The following HAO1 variants were observed in gnomAD, a reference collection of about 807,000 sequenced individuals.
HAO1 encodes the protein hydroxyacid oxidase 1.
Under a neutral mutation model 39.7 loss-of-function variants are expected in HAO1, and 34 were observed. The observed-to-expected ratio is 0.86, with a 90% CI of 0.65 to 1.14. The LOEUF is 1.14. Ranked by LOEUF, HAO1 falls within the 50% of genes most tolerant of loss-of-function variation. The pLI, the probability that HAO1 is intolerant of heterozygous loss-of-function variation, is 0.00. For synonymous variants in HAO1, 172 were observed against 173.2 expected, an observed-to-expected ratio of 0.99 and a Z score of 0.05; for missense variants, 479 against 464.5, an observed-to-expected ratio of 1.03 and a Z score of -0.29.
rs534056567 is a variant in HAO1, at chr20:7,940,381, A to G, written c.42T>C (p.His14=). The change falls in exon 1 of 8, where the codon CAT becomes CAC. Residue 14 remains histidine, a synonymous_variant. Transcript: ENST00000378789. The stretch of plus-strand genomic sequence containing the variant: ...TAGACTTTGGAAGTACTGATTTAGC[A>G]TGTTGTTCATAATCATTGATACAAA... The part of the protein sequence containing the change: ...RLICINDYEQ[H]AKSVLPKSIY... The G allele has an allele frequency of 5.6e-6, 9 of 1,612,606 alleles. No homozygotes were observed. The highest frequency in any genetic ancestry group is 5.3e-5 in the African/African-American group (4 of 74,946).
rs141789156 is a variant in HAO1 at position 7,904,959 on chromosome 20, A to T, written c.721+1195T>A. Reference sequence around the variant, plus strand: ...TTAAAGGTGTCTGTAAACCAAACCAATACATATTCATTGAAGTATAATCCA... The same window carrying T: ...TTAAAGGTGTCTGTAAACCAAACCATTACATATTCATTGAAGTATAATCCA... On this transcript the variant is annotated intron_variant, in intron 4 of 7. Transcript: ENST00000378789. 3.7e-3 allele frequency among the ~76,000 whole-genome samples: 562 copies of T among 152,318 alleles called. 3 individuals carry two copies. Among genetic ancestry groups the T allele is most frequent in the African/African-American group, 0.013 (539 of 41,574 alleles).
intron 3 of HAO1, among the ~76,000 whole-genome samples, chr20:7,906,733 GTTTTGTATGCCAAAATTATCACAATTTT>G (rs1259262105): frequency 3.3e-5 from 5 of 151,414 alleles, no homozygotes; most frequent in African/African-American, 1.2e-4. Flanking sequence ...TTTACAAAGG[GTTTTGTATGCCAAAATTATCACAATTTT>G]TCTTTAAAAG....
chr20:7,914,563 G>A (rs982901040), intron 2 of HAO1, 144 bp from the exon 3 acceptor site: 27 of 807,852 alleles, frequency 3.3e-5, no homozygotes, highest in Non-Finnish European at 5.0e-5. Flanking sequence ...AGAAAGTCTG[G>A]CCCATACCAT....
chr20:7,936,715 T>C (rs750961603), intron 1 of HAO1, among the ~76,000 whole-genome samples: 12 of 152,026 alleles, frequency 7.9e-5, no homozygotes, highest in Non-Finnish European at 1.5e-4. Flanking sequence ...CCTTAAACAG[T>C]ATTTTCTGTT....
chr20:7,888,886 A>G (rs2050162001), intron 5 of HAO1, among the ~76,000 whole-genome samples: 1 of 152,108 alleles, frequency 6.6e-6, no homozygotes, highest in South Asian at 2.1e-4. Flanking sequence ...CTCACTCTCT[A>G]GGAGACCTGC....
At chr20:7,895,337 G>A in intron 4 of HAO1, 113 bp from the exon 5 acceptor site, 4 of 688,112 alleles carry the variant, frequency 5.8e-6, no homozygotes, top group Non-Finnish European at 1.0e-5. Flanking sequence ...GCATACCTGG[G>A]TCAATAATCT....
intron 5 of HAO1, among the ~76,000 whole-genome samples, chr20:7,889,390 A>T (rs1427632372): frequency 1.3e-5 from 2 of 152,202 alleles, no homozygotes; most frequent in Admixed American, 1.3e-4. Context: ...TGCTCATAGG[A>T]TTCAAATACT....
chr20:7,921,791 A>T (rs903771533), intron 2 of HAO1, among the ~76,000 whole-genome samples: 1 of 152,144 alleles, frequency 6.6e-6, no homozygotes. Context: ...ATAACAAAAT[A>T]ATGTCCTTTG....
chr20:7,935,725 T>A (rs958606433), intron 1 of HAO1, among the ~76,000 whole-genome samples: 7 of 152,204 alleles, frequency 4.6e-5, no homozygotes, highest in African/African-American at 1.7e-4. Context: ...CAACCAAAAA[T>A]TCACCAGTAA....
At chr20:7,930,616 G>T (rs543661094) in intron 2 of HAO1, among the ~76,000 whole-genome samples, 2 of 152,278 alleles carry the variant, frequency 1.3e-5, no homozygotes, top group South Asian at 4.1e-4. Flanking sequence ...ATAAAAGAGG[G>T]TGTGTTCATG....
intron 5 of HAO1, among the ~76,000 whole-genome samples, chr20:7,888,408 A>G (rs573653898): frequency 6.4e-4 from 98 of 151,946 alleles, no homozygotes; most frequent in Middle Eastern, 3.4e-3. Context: ...CCATCTTCCT[A>G]TTGCATCGGT....
At chr20:7,938,995 T>C (rs1265125275) in intron 1 of HAO1, among the ~76,000 whole-genome samples, 1 of 152,202 alleles carries the variant, frequency 6.6e-6, no homozygotes, top group East Asian at 1.9e-4. Flanking sequence ...ATTTCCTTGG[T>C]TGTAATAACC....
At chr20:7,893,153 A>G (rs923791826) in intron 5 of HAO1, among the ~76,000 whole-genome samples, 2 of 152,162 alleles carry the variant, frequency 1.3e-5, no homozygotes, top group Non-Finnish European at 2.9e-5. Flanking sequence ...ATCCAGGCAG[A>G]TGCATTTCCC....
chr20:7,925,474 T>C (rs567745247), intron 2 of HAO1, among the ~76,000 whole-genome samples: 23 of 152,282 alleles, frequency 1.5e-4, no homozygotes, highest in African/African-American at 5.5e-4. Flanking sequence ...TTCACTGTAT[T>C]TCTAGGGCAG....
intron 3 of HAO1, among the ~76,000 whole-genome samples, chr20:7,910,721 A>G (rs1053206054): frequency 5.3e-5 from 8 of 152,180 alleles, no homozygotes; most frequent in Non-Finnish European, 1.0e-4. Context: ...CACATCTGCA[A>G]AGTCCCTTTT....
At chr20:7,901,914 AG>A (rs1177592208) in intron 4 of HAO1, among the ~76,000 whole-genome samples, 2 of 152,220 alleles carry the variant, frequency 1.3e-5, no homozygotes, top group African/African-American at 4.8e-5. Context: ...GAGGAGTTGA[AG>A]ACTATGGTGG....
At chr20:7,886,883 T>A (rs982192193) in intron 5 of HAO1, among the ~76,000 whole-genome samples, 2 of 152,172 alleles carry the variant, frequency 1.3e-5, no homozygotes, top group African/African-American at 4.8e-5. Flanking sequence ...TTGCACCTTG[T>A]CATTTGCCAT....
chr20:7,901,143 T>C (rs1313635965), intron 4 of HAO1, among the ~76,000 whole-genome samples: 1 of 152,082 alleles, frequency 6.6e-6, no homozygotes, highest in Non-Finnish European at 1.5e-5. Flanking sequence ...TCCTGAGGTT[T>C]AAAGGAAGGA....
At chr20:7,916,608 T>G (rs2050308106) in intron 2 of HAO1, among the ~76,000 whole-genome samples, 1 of 152,246 alleles carries the variant, frequency 6.6e-6, no homozygotes, top group Admixed American at 6.5e-5. Flanking sequence ...CAGATTAGGC[T>G]GATGCTAGAT....
Sources: allele counts gnomAD v4.1 joint callset (sites outside exome capture counted in the v4.1 genomes callset), GRCh38; gene constraint gnomAD v4.1.1; transcripts MANE v1.5; gene names NCBI Gene and HGNC (gene_info 2026-07-23, HGNC 2026-07-21).